PLXNC1: variants seen among roughly 807,000 people sequenced by gnomAD.
The protein encoded by PLXNC1 is plexin C1.
A neutral mutation model predicts 178.2 loss-of-function variants in PLXNC1; 75 were observed. That is an observed-to-expected ratio of 0.42 (90% CI 0.35 to 0.51). The LOEUF is 0.51. PLXNC1 is among the 20% of genes least tolerant of loss of function. The pLI is 0.02. For synonymous variants in PLXNC1, 790 were observed against 779.9 expected (o/e 1.01, Z -0.22); for missense variants, 1,503 against 1,984.4 (o/e 0.76, Z 4.61).
At chr12:94,184,266 C>A (rs1272240921) in intron 3 of PLXNC1, among the ~76,000 whole-genome samples, 3 of 151,430 alleles carry the variant, frequency 2.0e-5, no homozygotes, top group Non-Finnish European at 4.4e-5. Flanking sequence ...TACAGTCACA[C>A]GCTACCATGC....
chr12:94,260,687 G>T lies in PLXNC1; in HGVS notation c.3297G>T (p.Leu1099=), dbSNP rs1456784832. 1.2e-6 allele frequency: 2 copies of T among 1,613,970 alleles called. No individual in the cohort carries two copies. The highest frequency in any genetic ancestry group is 3.3e-5 in the Admixed American group (2 of 59,988). The part of the protein sequence containing the change: ...SFLTIALQTK[L]VYLTSILEVL... ...TAACCATTGCACTGCAAACCAAGCT[G>T]GTCTACCTGACCAGCATCCTAGAGG... is the stretch of plus-strand genomic sequence containing the variant. Residue 1099 remains leucine, a synonymous_variant, in exon 20 of 31, where the codon CTG becomes CTT. Coordinates refer to ENST00000258526, the MANE Select transcript of PLXNC1 (RefSeq NM_005761.3). This position sits in a 1 kb window ranked among gnomAD's most constrained non-coding sequence, Gnocchi z 4.4.
At chr12:94,176,933 G>A (rs1184760737) in intron 2 of PLXNC1, among the ~76,000 whole-genome samples, 1 of 151,290 alleles carries the variant, frequency 6.6e-6, no homozygotes, top group East Asian at 1.9e-4. Context: ...TAGCTAAATA[G>A]TATTTCCTTG....
At chr12:94,286,122 A>T (rs571133528) in intron 23 of PLXNC1, among the ~76,000 whole-genome samples, 1 of 152,356 alleles carries the variant, frequency 6.6e-6, no homozygotes, top group South Asian at 2.1e-4. Context: ...CTTAAGGATG[A>T]TAATGAAATT....
intron 2 of PLXNC1, among the ~76,000 whole-genome samples, chr12:94,173,312 T>A (rs1301497045): frequency 6.6e-6 from 1 of 152,234 alleles, no homozygotes; most frequent in African/African-American, 2.4e-5. Context: ...AAATTGTCCT[T>A]ATTTCAAAGG....
At chr12:94,250,999 C>CTG (rs1201966177) in intron 14 of PLXNC1, among the ~76,000 whole-genome samples, 1 of 152,136 alleles carries the variant, frequency 6.6e-6, no homozygotes, top group Non-Finnish European at 1.5e-5. Flanking sequence ...CCAACCTGGG[C>CTG]AACAGAGCAA....
intron 5 of PLXNC1, among the ~76,000 whole-genome samples, chr12:94,210,169 T>G (rs1047742543): frequency 1.3e-5 from 2 of 152,216 alleles, no homozygotes; most frequent in Non-Finnish European, 2.9e-5. Context: ...TGAACATAGC[T>G]TCCAACAGTC....
chr12:94,225,290 GGA>G (rs1442146063), intron 7 of PLXNC1, among the ~76,000 whole-genome samples: 2 of 152,230 alleles, frequency 1.3e-5, no homozygotes, highest in Non-Finnish European at 2.9e-5. Flanking sequence ...GCACCAAATG[GGA>G]GTTTCTTTTG....
rs111243774 is a variant in PLXNC1, at chr12:94,298,623, A to G, written c.4075-9A>G. ...TAATCTCCCAAATCTGATGTTGTCT[A>G]TCTTTCAGGTGGCAATTCATTCTGT... On this transcript the variant is annotated splice_polypyrimidine_tract_variant and intron_variant, in intron 26 of 30. Transcript: ENST00000258526. The G allele has an allele frequency of 1.7e-4, 262 of 1,579,992 alleles. 1 individual carries two copies. The highest frequency in any genetic ancestry group is 1.1e-3 in the East Asian group (47 of 43,904).
rs1021758623 is a variant in PLXNC1 at position 94,227,154 on chromosome 12, G to A, written c.1899G>A (p.Gln633=). ...DPSDYERNQE[Q]CPVAVEKTSG... ...AGGGATGTTCTCCATTCCAGGAACAGTGTCCAGTGGCTGTCGAGAAGACAT... is the reference window on the plus strand; with the variant it reads ...AGGGATGTTCTCCATTCCAGGAACAATGTCCAGTGGCTGTCGAGAAGACAT... Residue 633 remains glutamine (Q), a synonymous_variant, in exon 9 of 31, where the codon CAG becomes CAA. Coordinates refer to ENST00000258526, the MANE Select transcript of PLXNC1 (RefSeq NM_005761.3). The A allele has an allele frequency of 4.4e-5, 71 of 1,606,376 alleles. No homozygotes were observed. The highest frequency in any genetic ancestry group is 5.8e-5 in the Non-Finnish European group (68 of 1,173,022).
intron 4 of PLXNC1, among the ~76,000 whole-genome samples, chr12:94,192,605 G>T (rs778216536): frequency 1.3e-5 from 2 of 151,960 alleles, no homozygotes; most frequent in Non-Finnish European, 2.9e-5. Context: ...TTGAGTTCAG[G>T]TCTGTTTCCC....
At chr12:94,223,077 G>A (rs1187415050) in intron 6 of PLXNC1, among the ~76,000 whole-genome samples, 3 of 152,138 alleles carry the variant, frequency 2.0e-5, no homozygotes, top group African/African-American at 7.2e-5. Flanking sequence ...GGTTGCCAAC[G>A]GAGTCAAGCC....
In PLXNC1 at chr12:94,248,527, T is replaced by C. The variant is rs1046277963; in HGVS notation, c.2778+115T>C. ...TGGATCTTCAGATCCTCACTTTAAA[T>C]AGAAGATAAACAAAGCTGGTACTGC... On this transcript the variant is annotated intron_variant, in intron 14 of 30. Transcript: ENST00000258526. The C allele has an allele frequency of 2.9e-5, 25 of 856,082 alleles. No homozygotes were observed. The Middle Eastern group carries it at 1.2e-3, about 41-fold the overall frequency. 53.0% of individuals were successfully genotyped at this position (856,082 alleles called of 1,614,324 possible).
chr12:94,224,162 A>T (rs1476074812), intron 6 of PLXNC1, 66 bp from the exon 7 acceptor site: 1 of 935,596 alleles, frequency 1.1e-6, no homozygotes, highest in African/African-American at 1.6e-5. Flanking sequence ...CTTTTTTTGC[A>T]TTTACAGCTA....
At chr12:94,170,501 C>T (rs1961803507) in intron 2 of PLXNC1, among the ~76,000 whole-genome samples, 1 of 152,182 alleles carries the variant, frequency 6.6e-6, no homozygotes, top group African/African-American at 2.4e-5. Context: ...TCAGCTCAAA[C>T]CCCACCTCCT....
At chr12:94,197,660 GAC>G (rs1242027733) in intron 4 of PLXNC1, among the ~76,000 whole-genome samples, 3 of 152,172 alleles carry the variant, frequency 2.0e-5, no homozygotes, top group Non-Finnish European at 4.4e-5. Flanking sequence ...CATGTAAGGT[GAC>G]ACAGTCACAC....
At chr12:94,169,330 A>G in intron 2 of PLXNC1, 37 bp downstream of exon 2, 1 of 1,585,860 alleles carries the variant, frequency 6.3e-7, no homozygotes, top group Non-Finnish European at 8.6e-7. Flanking sequence ...GTCTATTTTA[A>G]TGGTGATATT....
At chr12:94,180,584 T>C (rs1009459570) in intron 2 of PLXNC1, among the ~76,000 whole-genome samples, 1 of 152,202 alleles carries the variant, frequency 6.6e-6, no homozygotes, top group African/African-American at 2.4e-5. Context: ...GTTGGGTAGA[T>C]GTTTGTTGAC....
chr12:94,285,274 T>C (rs919481837), intron 23 of PLXNC1, among the ~76,000 whole-genome samples: 3 of 152,200 alleles, frequency 2.0e-5, no homozygotes, highest in Non-Finnish European at 2.9e-5. Flanking sequence ...CCTAGGACTC[T>C]GCCAGATTCT....
At chr12:94,246,596 C>T (rs703682) in intron 12 of PLXNC1, among the ~76,000 whole-genome samples, 3,581 of 152,234 alleles carry the variant, frequency 0.024, 56 homozygotes, top group Non-Finnish European at 0.029. Flanking sequence ...GAGTTTGTCA[C>T]GAGTATGGAA....
Sources: gnomAD v4.1 joint callset for allele counts (sites outside exome capture counted in the v4.1 genomes callset) on GRCh38, gnomAD v4.1.1 for gene constraint, Gnocchi (gnomAD v3.1) non-coding constraint, MANE v1.5 for transcripts, NCBI Gene and HGNC (gene_info 2026-07-23, HGNC 2026-07-21) for gene names.